Variants in CNNM4 observed in about 807,000 individuals in gnomAD.
CNNM4 encodes the protein metal transporter CNNM4.
In CNNM4, 32 loss-of-function variants were observed where a neutral mutation model predicts 53.7. That is an observed-to-expected ratio of 0.60 (90% confidence interval 0.45 to 0.80). CNNM4 has a LOEUF of 0.80. CNNM4 is among the 30% of genes least tolerant of loss of function. The pLI is 0.00. For synonymous variants in CNNM4, 410 were observed against 440.0 expected, an observed-to-expected ratio of 0.93 and a Z score of 0.85; for missense variants, 784 against 1,022.0, an observed-to-expected ratio of 0.77 and a Z score of 3.17.
At chr2:96,796,131 CTTTTTTTT>C (rs796494842) in intron 1 of CNNM4, among the ~76,000 whole-genome samples, 3 of 50,672 alleles carry the variant, frequency 5.9e-5, no homozygotes, top group African/African-American at 1.5e-4. Flanking sequence ...CAGACAGGGT[CTTTTTTTT>C]TTTTTTTTTT....
intron 5 of CNNM4, among the ~76,000 whole-genome samples, chr2:96,807,261 G>A (rs7596610): frequency 0.026 from 3,923 of 152,114 alleles, 169 homozygotes; most frequent in African/African-American, 0.091. Flanking sequence ...TGCCCGCATC[G>A]GCCTCCTAAG....
Position 96,761,590 on chromosome 2 carries a change from C to T in CNNM4, c.591C>T (p.Gly197=), listed in dbSNP as rs35633391. 709 of 1,614,152 alleles carry T rather than the reference C, an allele frequency of 4.4e-4. 2 individuals are homozygous for T. The highest frequency in any genetic ancestry group is 4.9e-4 in the Middle Eastern group (3 of 6,062). The part of the protein sequence containing the change: ...LLITVLLVLS[G]IFSGLNLGLM... ...TTACGGTGCTGCTGGTGCTGTCGGG[C>T]ATATTTTCTGGCCTCAACCTCGGGC... Residue 197 remains glycine (G), a synonymous_variant, in exon 1 of 7, where the codon GGC becomes GGT. Coordinates refer to ENST00000377075, the MANE Select transcript of CNNM4 (RefSeq NM_020184.4). This position sits in a 1 kb window ranked among gnomAD's most constrained non-coding sequence, Gnocchi z 6.0.
In CNNM4 at chr2:96,799,189, G is replaced by A. The variant is rs369263433; in HGVS notation, c.1814G>A (p.Arg605Gln). ...KYYARHYLYT[R>Q]NKPADYFILI... is the part of the protein sequence containing the mutation. ...TACGCCCGCCATTACCTGTACACCC[G>A]AAATAAGCCGGCCGACTACTTCATC... The change falls in exon 4 of 7, where the codon CGA becomes CAA. Residue 605 changes from arginine to glutamine, a missense_variant. Physicochemically the swap from Arg to Gln is conservative, Grantham distance 43. Around this residue, in one of 3 missense-constraint regions of CNNM4, gnomAD observed 307 missense variants for 376.3 expected, o/e 0.82. Transcript: ENST00000377075. 1.9e-5 allele frequency: 31 copies of A among 1,614,040 alleles called. No homozygotes were observed. The African/African-American group carries it at 2.5e-4, about 13-fold the overall frequency.
intron 5 of CNNM4, among the ~76,000 whole-genome samples, chr2:96,806,441 T>A (rs2079206738): frequency 1.3e-5 from 2 of 151,662 alleles, no homozygotes; most frequent in African/African-American, 4.8e-5. Flanking sequence ...CCCTCTTTTG[T>A]CTCATTTAAT....
At chr2:96,794,552 C>T (rs1303613327) in intron 1 of CNNM4, among the ~76,000 whole-genome samples, 2 of 152,178 alleles carry the variant, frequency 1.3e-5, no homozygotes, top group Non-Finnish European at 2.9e-5. Context: ...GCCGTGTTCT[C>T]CCTTGAGTAG....
At chr2:96,774,925 C>T (rs1426015725) in intron 1 of CNNM4, among the ~76,000 whole-genome samples, 1 of 118,688 alleles carries the variant, frequency 8.4e-6, no homozygotes, top group African/African-American at 3.3e-5. Flanking sequence ...CATGCCACTG[C>T]ACTCTAGCCT....
At chr2:96,786,143 G>A (rs1195927255) in intron 1 of CNNM4, among the ~76,000 whole-genome samples, 3 of 151,858 alleles carry the variant, frequency 2.0e-5, no homozygotes, top group Admixed American at 6.6e-5. Context: ...TAGGCCTGGC[G>A]CGGCAGCTCA....
At chr2:96,781,083 A>G (rs1320177813) in intron 1 of CNNM4, among the ~76,000 whole-genome samples, 9 of 135,378 alleles carry the variant, frequency 6.6e-5, no homozygotes, top group Admixed American at 2.5e-4. Context: ...GGTTCACGCC[A>G]TTCTCCTGCC....
Position 96,760,947 on chromosome 2 carries a change from G to C in CNNM4, c.-53G>C, listed in dbSNP as rs2078754079. On this transcript the variant is annotated 5_prime_UTR_variant, in exon 1 of 7. Transcript: ENST00000377075. ...AGCGGCCGGAGCTGCGGTGCGGACC[G>C]GGGCCGCGCGGCGTGGCGCGGGGAG... 4 of 942,838 alleles carry C rather than the reference G, an allele frequency of 4.2e-6. No homozygotes were observed. Among genetic ancestry groups the C allele is most frequent in the East Asian group, 1.1e-4 (1 of 8,776 alleles). 58.4% of individuals were successfully genotyped at this position (942,838 alleles called of 1,614,324 possible).
At chr2:96,786,628 A>C (rs2079018389) in intron 1 of CNNM4, among the ~76,000 whole-genome samples, 1 of 151,708 alleles carries the variant, frequency 6.6e-6, no homozygotes. Context: ...AAATACAAAA[A>C]ATTAGCTCAG....
intron 1 of CNNM4, among the ~76,000 whole-genome samples, chr2:96,765,561 G>C (rs1035112950): frequency 3.3e-5 from 5 of 152,178 alleles, no homozygotes; most frequent in Non-Finnish European, 7.3e-5. Flanking sequence ...CTTTGCCAGA[G>C]TCCTTCTGCC....
intron 1 of CNNM4, among the ~76,000 whole-genome samples, chr2:96,772,326 A>G (rs1353355139): frequency 2.2e-5 from 3 of 138,150 alleles, no homozygotes; most frequent in Admixed American, 7.4e-5. Flanking sequence ...ACCCGTGCGC[A>G]CACACACTCA....
intron 1 of CNNM4, among the ~76,000 whole-genome samples, chr2:96,769,755 T>C (rs894436424): frequency 6.6e-6 from 1 of 151,488 alleles, no homozygotes; most frequent in Non-Finnish European, 1.5e-5. Context: ...CCTTAGGCTG[T>C]GGGGTGCCCA....
Position 96,792,871 on chromosome 2 carries a change from AGG to A in CNNM4, c.1403-4139_1403-4138del, listed in dbSNP as rs543521346. Among the ~76,000 whole-genome samples, 252 of 151,650 alleles carry A rather than the reference AGG, an allele frequency of 1.7e-3. 1 individual carries two copies. Among genetic ancestry groups the A allele is most frequent in the Admixed American group, 7.0e-3 (106 of 15,248 alleles). Reference sequence around the variant, plus strand: ...GATAACTGGGACAGAGCTGCCCTAAAGGGAGACAGGAGTGTTGGGGGGATGGG... The same window carrying A: ...GATAACTGGGACAGAGCTGCCCTAAAGAGACAGGAGTGTTGGGGGGATGGG... On this transcript the variant is annotated intron_variant, in intron 1 of 6. Coordinates refer to ENST00000377075, the MANE Select transcript of CNNM4 (RefSeq NM_020184.4).
chr2:96,775,507 T>C (rs1470024439), intron 1 of CNNM4, among the ~76,000 whole-genome samples: 11 of 152,184 alleles, frequency 7.2e-5, no homozygotes, highest in Non-Finnish European at 1.5e-5. Context: ...AAGAACACTC[T>C]TGTGCATGTC....
rs151020163 is a variant in CNNM4, at chr2:96,806,506, AACAC to A, written c.1949-2028_1949-2025del. Among the ~76,000 whole-genome samples, 1,318 of 135,392 alleles carry A rather than the reference AACAC, an allele frequency of 9.7e-3. 11 individuals are homozygous for A. The highest frequency in any genetic ancestry group is 0.027 in the African/African-American group (970 of 35,550). The allele number at this position is 135,392 out of a possible 152,430, so 88.8% of individuals were successfully genotyped here. ...ACTCTTCTTCCTTCCCTAGCTATCC[AACAC>A]ACACACACACACACACACACACACA... On this transcript the variant is annotated intron_variant, in intron 5 of 6. Coordinates refer to ENST00000377075, the MANE Select transcript of CNNM4 (RefSeq NM_020184.4).
rs2276653 is a variant in CNNM4, at chr2:96,799,327, G to A, written c.1851+101G>A. 2.2e-4 allele frequency: 327 copies of A among 1,484,372 alleles called. No homozygotes were observed. The East Asian group carries it at 6.6e-3, about 30-fold the overall frequency. 92.0% of individuals were successfully genotyped at this position (1,484,372 alleles called of 1,614,324 possible). A position where few individuals can be genotyped will look rare whatever the true frequency, so the allele number is the denominator to read the frequency against. On this transcript the variant is annotated intron_variant, in intron 4 of 6. Coordinates refer to ENST00000377075, the MANE Select transcript of CNNM4 (RefSeq NM_020184.4). ...TGCTGCGGAGGTGCATGGCTTCCCTGCCTGGGGAGCCTGCTGCCTGCCCTT... is the reference window on the plus strand; with the variant it reads ...TGCTGCGGAGGTGCATGGCTTCCCTACCTGGGGAGCCTGCTGCCTGCCCTT...
intron 1 of CNNM4, among the ~76,000 whole-genome samples, chr2:96,793,275 G>A (rs180895492): frequency 2.0e-5 from 3 of 152,220 alleles, no homozygotes; most frequent in East Asian, 1.9e-4. Flanking sequence ...TCTCTGGCCC[G>A]GGGAGGGGAA....
chr2:96,798,270 C>T (rs756495340), intron 3 of CNNM4: 47 of 170,638 alleles, frequency 2.8e-4, no homozygotes, highest in Admixed American at 2.1e-3. Flanking sequence ...GAGGTGGGCC[C>T]CTAGGCTGGC....
Sources: allele counts gnomAD v4.1 joint callset (sites outside exome capture counted in the v4.1 genomes callset), GRCh38; gene constraint gnomAD v4.1.1; regional missense constraint gnomAD v4.1.1; non-coding constraint Gnocchi (gnomAD v3.1); transcripts MANE v1.5; gene names NCBI Gene and HGNC (gene_info 2026-07-23, HGNC 2026-07-21).